Variants in PCDHGB6 observed in about 807,000 individuals in gnomAD.
The protein encoded by PCDHGB6 is protocadherin gamma subfamily B, 6, also known as protocadherin gamma-B6.
Under a neutral mutation model 59.1 loss-of-function variants are expected in PCDHGB6, and 51 were observed. The ratio of observed to expected loss-of-function variants is 0.86; its 90% CI spans 0.69 to 1.09. PCDHGB6 has a LOEUF of 1.09. Ranked by LOEUF, PCDHGB6 falls within the 50% of genes least tolerant of loss-of-function variation. The probability of loss-of-function intolerance (pLI) is 0.00; values close to 1 mark genes in which losing one functional copy is unlikely to be tolerated. For missense variants in PCDHGB6, 1,148 were observed against 1,205.1 expected (o/e 0.95, Z 0.70); for synonymous variants, 466 against 495.1 (o/e 0.94, Z 0.78).
At chr5:141,421,141 G>A (rs7732160) in intron 1 of PCDHGB6, 49,996 of 938,386 alleles carry the variant, frequency 0.053, 1,680 homozygotes, top group African/African-American at 0.14. Flanking sequence ...TATTTTGGAT[G>A]TAGTCGGCCT....
rs376890554 is a variant in PCDHGB6 at position 141,408,250 on chromosome 5, G to A, written c.48G>A (p.Val16=). 3.6e-4 allele frequency: 569 copies of A among 1,595,986 alleles called. 5 individuals are homozygous for A. The highest frequency in any genetic ancestry group is 1.7e-3 in the South Asian group (151 of 89,354). Residue 16 remains valine (V), a synonymous_variant, in exon 1 of 4, where the codon GTG becomes GTA. Coordinates refer to ENST00000520790, the MANE Select transcript of PCDHGB6 (RefSeq NM_018926.3). ...AQRRRAGPRQ[V]LFPLLLPLFY... ...GGCGCCGGGCCGGCCCGCGGCAGGT[G>A]CTATTTCCTTTGCTGCTGCCTTTGT... is the stretch of plus-strand genomic sequence containing the variant.
intron 1 of PCDHGB6, chr5:141,479,743 T>C (rs2154578017): frequency 6.6e-6 from 1 of 152,356 alleles, no homozygotes; most frequent in African/African-American, 2.4e-5. Flanking sequence ...ATATGCACAA[T>C]GTGAAAGGTA....
At chr5:141,465,856 C>T (rs1442431032) in intron 1 of PCDHGB6, among the ~76,000 whole-genome samples, 1 of 152,184 alleles carries the variant, frequency 6.6e-6, no homozygotes, top group East Asian at 1.9e-4. Context: ...GGCCCAGTGG[C>T]TCATGCCTGT....
intron 1 of PCDHGB6, chr5:141,423,165 C>G: frequency 6.2e-7 from 1 of 1,613,434 alleles, no homozygotes; most frequent in Non-Finnish European, 8.5e-7. Context: ...TCGTGGTGGC[C>G]GTCCAGGACC....
At chr5:141,438,018 G>A (rs959672278) in intron 1 of PCDHGB6, among the ~76,000 whole-genome samples, 1 of 152,082 alleles carries the variant, frequency 6.6e-6, no homozygotes, top group African/African-American at 2.4e-5. Context: ...TGAGATTACA[G>A]GTGTGAGCCA....
At chr5:141,443,665 AACT>A (rs2154560310) in intron 1 of PCDHGB6, among the ~76,000 whole-genome samples, 1 of 152,358 alleles carries the variant, frequency 6.6e-6, no homozygotes, top group African/African-American at 2.4e-5. Context: ...CATTTTACTG[AACT>A]AGTAGTTTAC....
At position 141,477,160 on chromosome 5, in the gene PCDHGB6, C is replaced by G. The variant is rs768436526; in HGVS notation, c.2419-17647C>G. 2 of 1,614,186 alleles carry G rather than the reference C, an allele frequency of 1.2e-6. No homozygotes were observed. Among genetic ancestry groups the G allele is most frequent in the Admixed American group, 1.7e-5 (1 of 60,020 alleles). On this transcript the variant is annotated intron_variant, in intron 1 of 3. Transcript: ENST00000520790. The surrounding 1 kb of genome is among the most constrained non-coding windows in gnomAD (Gnocchi z 4.9). ...TGGAGGTTGTGGATGTGAATGACAA[C>G]GCCCCGGAGATCACAGTCACCTCCG...
chr5:141,492,425 C>T (rs1243599547), intron 1 of PCDHGB6, among the ~76,000 whole-genome samples: 1 of 152,254 alleles, frequency 6.6e-6, no homozygotes, highest in Non-Finnish European at 1.5e-5. Flanking sequence ...CTCCGCCGGG[C>T]TCAGGAGTAC....
chr5:141,450,842 T>TTTTA (rs1387012749), intron 1 of PCDHGB6, among the ~76,000 whole-genome samples: 1 of 148,196 alleles, frequency 6.7e-6, no homozygotes, highest in African/African-American at 2.5e-5. Context: ...TTTTTTTTTT[T>TTTTA]GAGATGGGGT....
At chr5:141,492,195 CTT>C (rs1240529719) in intron 1 of PCDHGB6, among the ~76,000 whole-genome samples, 1 of 152,242 alleles carries the variant, frequency 6.6e-6, no homozygotes, top group Non-Finnish European at 1.5e-5. Context: ...GTCTGCGGGA[CTT>C]AGGTGTGCGC....
chr5:141,421,395 G>A (rs2096569109), intron 1 of PCDHGB6: 1 of 1,613,950 alleles, frequency 6.2e-7, no homozygotes, highest in Admixed American at 1.7e-5. Flanking sequence ...TGGGGCTGGA[G>A]CCCCGGGAGC....
intron 1 of PCDHGB6, among the ~76,000 whole-genome samples, chr5:141,473,246 A>G (rs1045740920): frequency 7.2e-5 from 11 of 152,224 alleles, no homozygotes; most frequent in Admixed American, 4.6e-4. Context: ...AAGTGAATAC[A>G]TATATAGTCC....
At chr5:141,424,960 C>T (rs1291822416) in intron 1 of PCDHGB6, among the ~76,000 whole-genome samples, 1 of 152,102 alleles carries the variant, frequency 6.6e-6, no homozygotes, top group African/African-American at 2.4e-5. Context: ...AGGTATTTGC[C>T]CCAAATTACT....
At position 141,432,995 on chromosome 5, in the gene PCDHGB6, G is replaced by A. The variant is rs576866505; in HGVS notation, c.2418+22375G>A. On this transcript the variant is annotated intron_variant, in intron 1 of 3. Transcript: ENST00000520790. This position sits in a 1 kb window ranked among gnomAD's most constrained non-coding sequence, Gnocchi z 6.0. ...GTCGCACTTTGTGGGCGTGGACGGGGTGCAGGCTTTCCTGCAGACCTATTC... is the reference window on the plus strand; with the variant it reads ...GTCGCACTTTGTGGGCGTGGACGGGATGCAGGCTTTCCTGCAGACCTATTC... The A allele has an allele frequency of 1.2e-6, 2 of 1,614,226 alleles. No individual in the cohort carries two copies. The highest frequency in any genetic ancestry group is 3.3e-5 in the Admixed American group (2 of 60,028).
intron 1 of PCDHGB6, among the ~76,000 whole-genome samples, chr5:141,433,853 A>C (rs934981508): frequency 1.3e-5 from 2 of 151,912 alleles, no homozygotes; most frequent in African/African-American, 2.4e-5. Context: ...AAAAAAAAAA[A>C]AACTTTATCC....
chr5:141,443,848 G>A lies in PCDHGB6; in HGVS notation c.2418+33228G>A, dbSNP rs528933391. 2.6e-5 allele frequency among the ~76,000 whole-genome samples: 4 copies of A among 152,272 alleles called. No individual in the cohort carries two copies. The South Asian group carries it at 8.3e-4, about 32-fold the overall frequency. ...TTAGGTAAAATGGGTAATATGGAAA[G>A]TCTGAAAACTGAAAAAATTACTGAT... On this transcript the variant is annotated intron_variant, in intron 1 of 3. Transcript: ENST00000520790.
At chr5:141,482,957 C>A (rs2099575063) in intron 1 of PCDHGB6, among the ~76,000 whole-genome samples, 2 of 57,944 alleles carry the variant, frequency 3.5e-5, no homozygotes, top group Admixed American at 1.5e-4. Context: ...CCTGTAATTC[C>A]AGCTACTTGA....
chr5:141,413,166 C>A (rs758193163), intron 1 of PCDHGB6: 3 of 1,590,396 alleles, frequency 1.9e-6, no homozygotes, highest in South Asian at 2.3e-5. Flanking sequence ...AATTCTGTAA[C>A]CAGACTACAA....
intron 3 of PCDHGB6, among the ~76,000 whole-genome samples, chr5:141,509,962 C>A (rs1186902807): frequency 2.0e-5 from 3 of 152,206 alleles, no homozygotes. Context: ...CGGGTATGGC[C>A]TTGGTCCTTC....
Sources: gnomAD v4.1 joint callset for allele counts (sites outside exome capture counted in the v4.1 genomes callset) on GRCh38, gnomAD v4.1.1 for gene constraint, Gnocchi (gnomAD v3.1) non-coding constraint, MANE v1.5 for transcripts, NCBI Gene and HGNC (gene_info 2026-07-23, HGNC 2026-07-21) for gene names.